CHI3L1: variants seen among roughly 807,000 people sequenced by gnomAD.
CHI3L1 encodes chitinase-3-like protein 1.
CHI3L1 carries 30 observed loss-of-function variants against 40.7 expected under a neutral mutation model. The observed-to-expected ratio is 0.74, with a 90% CI of 0.55 to 1.00. CHI3L1 has a LOEUF of 1.00. Ranked by LOEUF, CHI3L1 falls within the 50% of genes least tolerant of loss-of-function variation. CHI3L1 has a pLI of 0.00. For missense variants in CHI3L1, 493 were observed against 492.2 expected, an observed-to-expected ratio of 1.00 and a Z score of -0.01; for synonymous variants, 210 against 192.1, an observed-to-expected ratio of 1.09 and a Z score of -0.77.
chr1:203,180,422 G>C, intron 8 of CHI3L1, 48 bp downstream of exon 8: 1 of 1,468,518 alleles, frequency 6.8e-7, no homozygotes, highest in South Asian at 1.4e-5. Flanking sequence ...CCTTCCCCAG[G>C]GCTGCTGGTG....
At chr1:203,184,838 G>A (rs1656022016) in intron 3 of CHI3L1, among the ~76,000 whole-genome samples, 1 of 152,178 alleles carries the variant, frequency 6.6e-6, no homozygotes, top group Admixed American at 6.5e-5. Flanking sequence ...CTTCATGGGA[G>A]TTACTCTGAG....
intron 2 of CHI3L1, 39 bp downstream of exon 2, chr1:203,186,277 G>A (rs760505974): frequency 5.1e-6 from 8 of 1,566,056 alleles, no homozygotes; most frequent in South Asian, 4.7e-5. Flanking sequence ...CCCTCGCCAC[G>A]CCTCTGGACT....
In CHI3L1 at chr1:203,179,531, G is replaced by A. The variant is rs1464148091; in HGVS notation, c.1066C>T (p.Leu356=). 2 of 1,600,926 alleles carry A rather than the reference G, an allele frequency of 1.2e-6. No individual in the cohort carries two copies. Among genetic ancestry groups the A allele is most frequent in the Non-Finnish European group, 1.7e-6 (2 of 1,170,740 alleles). Reference sequence around the variant, plus strand: ...CAGAAGGAGCCCTGGAAGTCATCCAGGTCCAGGGCCCATACCATGGCGCCC... The same window carrying A: ...CAGAAGGAGCCCTGGAAGTCATCCAAGTCCAGGGCCCATACCATGGCGCCC... The part of the protein sequence containing the change: ...LAGAMVWALD[L]DDFQGSFCGQ... Residue 356 remains leucine, a synonymous_variant, in exon 10 of 10, where the codon CTG becomes TTG. Coordinates refer to ENST00000255409, the MANE Select transcript of CHI3L1 (RefSeq NM_001276.4).
At chr1:203,180,195 A>G in intron 8 of CHI3L1, 1 of 560,956 alleles carries the variant, frequency 1.8e-6, no homozygotes, top group Admixed American at 3.2e-5. Context: ...CTGCCTCTTG[A>G]CCTCTGCTCT....
At position 203,186,671 on chromosome 1, in the gene CHI3L1, C is replaced by A; in HGVS notation, c.-48G>T. On this transcript the variant is annotated 5_prime_UTR_variant, in exon 1 of 10. Coordinates refer to ENST00000255409, the MANE Select transcript of CHI3L1 (RefSeq NM_001276.4). ...AGGGTGTGGCCTCTTCCCTTGCCCA[C>A]GGCTCCTGGTGCCAGCTACCTAGAC... 6 of 1,612,724 alleles carry A rather than the reference C, an allele frequency of 3.7e-6. No individual in the cohort carries two copies. Among genetic ancestry groups the A allele is most frequent in the Non-Finnish European group, 5.1e-6 (6 of 1,179,052 alleles).
Position 203,182,841 on chromosome 1 carries a change from G to T in CHI3L1, c.477C>A (p.Ala159=), listed in dbSNP as rs780224525. ...HFTTLIKEMK[A]EFIKEAQPGK... Reference sequence around the variant, plus strand: ...CTGGCTGGGCTTCCTTTATAAATTCGGCCTTCATTTCCTAGATGGGAGACA... The same window carrying T: ...CTGGCTGGGCTTCCTTTATAAATTCTGCCTTCATTTCCTAGATGGGAGACA... Residue 159 remains alanine (A), a synonymous_variant, in exon 6 of 10, where the codon GCC becomes GCA. Transcript: ENST00000255409. The T allele has an allele frequency of 1.9e-5, 31 of 1,613,902 alleles. No homozygotes were observed. Among genetic ancestry groups the T allele is most frequent in the Non-Finnish European group, 2.6e-5 (31 of 1,179,994 alleles).
chr1:203,184,624 T>G lies in CHI3L1; in HGVS notation c.266A>C (p.Asn89Thr). The change falls in exon 4 of 10, where the codon AAC becomes ACC. Residue 89 changes from asparagine to threonine, a missense_variant. Physicochemically the swap from Asn to Thr is moderately conservative, Grantham distance 65 (BLOSUM62 0). Coordinates refer to ENST00000255409, the MANE Select transcript of CHI3L1 (RefSeq NM_001276.4). Reference protein sequence around the residue: ...MLNTLKNRNPNLKTLLSVGGW... With the variant: ...MLNTLKNRNPTLKTLLSVGGW... ...TCCGACAGACAAGAGAGTCTTCAGG[T>G]TGGGGTTCCTGTGGAGCACAGGGAG... 6.2e-7 allele frequency: 1 copy of G among 1,613,650 alleles called. No individual in the cohort carries two copies. Among genetic ancestry groups the G allele is most frequent in the Non-Finnish European group, 8.5e-7 (1 of 1,179,760 alleles).
chr1:203,180,083 T>A lies in CHI3L1; in HGVS notation c.895-206A>T. ...GAGATGGTGGCTGCCTTGGCCCTGCTTAGCTTCTTCCATTTAAACAGAGAT... is the reference window on the plus strand; with the variant it reads ...GAGATGGTGGCTGCCTTGGCCCTGCATAGCTTCTTCCATTTAAACAGAGAT... On this transcript the variant is annotated intron_variant, in intron 8 of 9. Coordinates refer to ENST00000255409, the MANE Select transcript of CHI3L1 (RefSeq NM_001276.4). 1.0e-5 allele frequency: 6 copies of A among 598,344 alleles called. No individual in the cohort carries two copies. The South Asian group carries it at 1.2e-4, about 12-fold the overall frequency. 37.1% of individuals were successfully genotyped at this position (598,344 alleles called of 1,614,324 possible).
rs74461491 is a variant in CHI3L1, at chr1:203,179,992, C to T, written c.895-115G>A. 1,473 of 938,308 alleles carry T rather than the reference C, an allele frequency of 1.6e-3. 32 individuals carry two copies. The East Asian group carries it at 0.033, about 21-fold the overall frequency. 58.1% of individuals were successfully genotyped at this position (938,308 alleles called of 1,614,324 possible). A position where few individuals can be genotyped will look rare whatever the true frequency, so the allele number is the denominator to read the frequency against. On this transcript the variant is annotated intron_variant, in intron 8 of 9. Transcript: ENST00000255409. ...GCTCCTGCTCCATCCTGCAGCCTCA[C>T]TCTCTGCAGGGTCTGCAGGCTGCAT...
chr1:203,182,785 A>G lies in CHI3L1; in HGVS notation c.533T>C (p.Leu178Pro), dbSNP rs1655963267. The G allele has an allele frequency of 2.5e-6, 4 of 1,614,062 alleles. No homozygotes were observed. Among genetic ancestry groups the G allele is most frequent in the Non-Finnish European group, 3.4e-6 (4 of 1,180,002 alleles). ...GKKQLLLSAA[L>P]SAGKVTIDSS... Reference sequence around the variant, plus strand: ...GTCAATGGTGACCTTCCCCGCAGACAGTGCTGCGCTGAGCAGGAGCTGCTT... The same window carrying G: ...GTCAATGGTGACCTTCCCCGCAGACGGTGCTGCGCTGAGCAGGAGCTGCTT... Residue 178 changes from leucine to proline, a missense_variant, in exon 6 of 10, where the codon CTG (leucine) becomes CCG (proline). Transcript: ENST00000255409.
intron 3 of CHI3L1, 85 bp from the exon 4 acceptor site, chr1:203,184,717 A>G: frequency 1.7e-6 from 2 of 1,189,352 alleles, no homozygotes; most frequent in East Asian, 4.7e-5. Context: ...GAGGCCATAG[A>G]AGGTTTCCTG....
rs774942775 is a variant in CHI3L1 at position 203,185,252 on chromosome 1, G to A, written c.189C>T (p.Asn63=). Residue 63 remains asparagine (N), a synonymous_variant, in exon 3 of 10, where the codon AAC becomes AAT. Transcript: ENST00000255409. ...TCCACTCCCAGGTGTCGATGTGATC[G>A]TTGCTTATATTGGCAAAGCTGTAGA... ...HIIYSFANIS[N]DHIDTWEWND... 83 of 1,614,068 alleles carry A rather than the reference G, an allele frequency of 5.1e-5. No individual in the cohort carries two copies. The highest frequency in any genetic ancestry group is 6.2e-5 in the Non-Finnish European group (73 of 1,180,024).
At chr1:203,179,957 A>G in intron 8 of CHI3L1, 80 bp from the exon 9 acceptor site, 4 of 1,322,690 alleles carry the variant, frequency 3.0e-6, no homozygotes, top group Non-Finnish European at 4.3e-6. Context: ...CACTCTCCAA[A>G]TCTCTTTTAG....
Position 203,184,612 on chromosome 1 carries a change from A to C in CHI3L1, c.278T>G (p.Leu93Arg). Residue 93 changes from leucine to arginine, a missense_variant, in exon 4 of 10, where the codon CTC becomes CGC. By Grantham distance (102) the Leu-to-Arg change is moderately radical. Coordinates refer to ENST00000255409, the MANE Select transcript of CHI3L1 (RefSeq NM_001276.4). ...AAAGTTCCATCCTCCGACAGACAAG[A>C]GAGTCTTCAGGTTGGGGTTCCTGTG... ...LKNRNPNLKTLLSVGGWNFGS... is the reference protein window; with the variant it reads ...LKNRNPNLKTRLSVGGWNFGS... 1 of 1,613,952 alleles carries C rather than the reference A, an allele frequency of 6.2e-7. No individual in the cohort carries two copies. The highest frequency in any genetic ancestry group is 2.2e-5 in the East Asian group (1 of 44,860).
In CHI3L1 at chr1:203,179,217, C is replaced by T. The variant is rs943837653; in HGVS notation, c.*228G>A. The T allele has an allele frequency of 5.1e-5, 22 of 431,912 alleles. No individual in the cohort carries two copies. Among genetic ancestry groups the T allele is most frequent in the East Asian group, 4.9e-4 (15 of 30,526 alleles). 26.8% of individuals were successfully genotyped at this position (431,912 alleles called of 1,614,324 possible). On this transcript the variant is annotated 3_prime_UTR_variant, in exon 10 of 10. Transcript: ENST00000255409. ...TTAATCAACAAGTGTGTACTAATCC[C>T]GAGTCTTACATTGCGATGCCTCACT...
intron 5 of CHI3L1, 112 bp from the exon 6 acceptor site, chr1:203,182,964 C>G: frequency 6.4e-6 from 7 of 1,093,324 alleles, no homozygotes; most frequent in Non-Finnish European, 9.3e-6. Context: ...CCCCAACCTG[C>G]CTGGGGCCTA....
rs146812616 is a variant in CHI3L1 at position 203,186,601 on chromosome 1, G to A, written c.23C>T (p.Thr8Ile). 48 of 1,614,146 alleles carry A rather than the reference G, an allele frequency of 3.0e-5. No individual in the cohort carries two copies. In the African/African-American group the frequency reaches 5.2e-4, roughly 17 times the overall value. The change falls in exon 1 of 10, where the codon ACA becomes ATA. Residue 8 changes from threonine (T) to isoleucine (I), a missense_variant and splice_region_variant. Physicochemically the swap from Thr to Ile is moderately conservative, Grantham distance 89. Coordinates refer to ENST00000255409, the MANE Select transcript of CHI3L1 (RefSeq NM_001276.4). MGVKASQ[T>I]GFVVLVLLQC... The stretch of plus-strand genomic sequence containing the variant: ...TTAACCTTGGCTAGCCCAGATACCT[G>A]TTTGAGACGCCTTCACACCCATTCT...
intron 8 of CHI3L1, 126 bp downstream of exon 8, chr1:203,180,344 C>T (rs1485985296): frequency 2.3e-6 from 2 of 887,420 alleles, no homozygotes; most frequent in African/African-American, 1.7e-5. Flanking sequence ...CTTCCTCAGG[C>T]ATGCTGGGGC....
chr1:203,180,739 T>C lies in CHI3L1; in HGVS notation c.712-87A>G, dbSNP rs552471695. ...ATTAATACTGCTGCCTTAGCAGGGG[T>C]TATTGGTGTATGGTGCACTGGGGAT... is the stretch of plus-strand genomic sequence containing the variant. On this transcript the variant is annotated intron_variant, in intron 7 of 9. Coordinates refer to ENST00000255409, the MANE Select transcript of CHI3L1 (RefSeq NM_001276.4). 1.7e-5 allele frequency: 17 copies of C among 996,584 alleles called. No homozygotes were observed. In the East Asian group the frequency reaches 3.6e-4, roughly 21 times the overall value. 61.7% of individuals were successfully genotyped at this position (996,584 alleles called of 1,614,324 possible). A position where few individuals can be genotyped will look rare whatever the true frequency, so the allele number is the denominator to read the frequency against.
Sources: gnomAD v4.1 joint callset for allele counts (sites outside exome capture counted in the v4.1 genomes callset) on GRCh38, gnomAD v4.1.1 for gene constraint, MANE v1.5 for transcripts, NCBI Gene and HGNC (gene_info 2026-07-23, HGNC 2026-07-21) for gene names.